The following REV3L variants were observed in gnomAD, a reference collection of about 807,000 sequenced individuals.
REV3L encodes REV3 like, DNA directed polymerase zeta catalytic subunit.
Under a neutral mutation model 299.4 loss-of-function variants are expected in REV3L, and 69 were observed. The ratio of observed to expected loss-of-function variants is 0.23; its 90% CI spans 0.19 to 0.28. The LOEUF is 0.28. Ranked by LOEUF, REV3L falls within the 10% of genes least tolerant of loss-of-function variation. The pLI is 1.00. For missense variants in REV3L, 3,128 were observed against 3,693.8 expected (o/e 0.85, Z 3.97); for synonymous variants, 1,238 against 1,271.4 (o/e 0.97, Z 0.56).
intron 1 of REV3L, among the ~76,000 whole-genome samples, chr6:111,421,188 A>G (rs1200207831): frequency 6.6e-6 from 1 of 152,134 alleles, no homozygotes; most frequent in East Asian, 1.9e-4. Context: ...TCTTATTGTC[A>G]TTTTTCAACA....
At chr6:111,342,504 T>C (rs1450609700) in intron 21 of REV3L, among the ~76,000 whole-genome samples, 1 of 151,928 alleles carries the variant, frequency 6.6e-6, no homozygotes, top group African/African-American at 2.4e-5. Flanking sequence ...CCGTCTCTAC[T>C]AAAAATACAA....
At chr6:111,379,335 A>G (rs1378051412) in intron 11 of REV3L, among the ~76,000 whole-genome samples, 4 of 152,236 alleles carry the variant, frequency 2.6e-5, no homozygotes, top group Admixed American at 6.5e-5. Context: ...ACAGACTAAA[A>G]AAGTTCTAAT....
chr6:111,404,144 T>C (rs776117979), intron 4 of REV3L, among the ~76,000 whole-genome samples: 28 of 152,204 alleles, frequency 1.8e-4, no homozygotes, highest in Non-Finnish European at 3.1e-4. Flanking sequence ...TGCTGGTAAC[T>C]TGAAGTTGAA....
At chr6:111,436,026 C>T (rs1243106450) in intron 1 of REV3L, among the ~76,000 whole-genome samples, 1 of 152,102 alleles carries the variant, frequency 6.6e-6, no homozygotes, top group East Asian at 1.9e-4. Flanking sequence ...CAAAAGAAGA[C>T]ATAAAAATGG....
At chr6:111,453,366 T>C (rs991087620) in intron 1 of REV3L, among the ~76,000 whole-genome samples, 2 of 152,214 alleles carry the variant, frequency 1.3e-5, no homozygotes, top group African/African-American at 2.4e-5. Context: ...TAGTATTCAA[T>C]AGCACATATA....
At chr6:111,428,700 A>C (rs945860384) in intron 1 of REV3L, among the ~76,000 whole-genome samples, 1 of 152,138 alleles carries the variant, frequency 6.6e-6, no homozygotes, top group Admixed American at 6.5e-5. Context: ...ACCAATGGAA[A>C]GGAATGAAGG....
rs749953837 is a variant in REV3L, at chr6:111,372,898, A to G, written c.5457T>C (p.Thr1819=). The G allele has an allele frequency of 6.2e-7, 1 of 1,614,028 alleles. No homozygotes were observed. Among genetic ancestry groups the G allele is most frequent in the Non-Finnish European group, 8.5e-7 (1 of 1,180,012 alleles). The change falls in exon 13 of 32, where the codon ACT becomes ACC. Residue 1819 remains threonine, a synonymous_variant. Coordinates refer to ENST00000368802, the MANE Select transcript of REV3L (RefSeq NM_001372078.1). ...CACCATCAGGGGAGGAGAGTATTGC[A>G]GTAAAAGAGGTATTGGCTGAGTCAA... is the stretch of plus-strand genomic sequence containing the variant. ...QSLDSANTSF[T]AILSSPDGEL...
At chr6:111,461,602 A>G (rs1363117217) in intron 1 of REV3L, among the ~76,000 whole-genome samples, 1 of 152,042 alleles carries the variant, frequency 6.6e-6, no homozygotes. Flanking sequence ...TTGCATATAT[A>G]TAAAAGTAAA....
intron 21 of REV3L, among the ~76,000 whole-genome samples, chr6:111,335,981 A>T (rs903751505): frequency 3.3e-5 from 5 of 151,816 alleles, no homozygotes; most frequent in Admixed American, 2.0e-4. Context: ...ATTATTTATC[A>T]TATCTATAGA....
Position 111,373,616 on chromosome 6 carries a change from G to A in REV3L, c.4739C>T (p.Pro1580Leu). ...ACTTCTGGGAGTTCGAGGTTTTCTTGGGGACGTTACCGATCGTGTCCGTTT... is the reference window on the plus strand; with the variant it reads ...ACTTCTGGGAGTTCGAGGTTTTCTTAGGGACGTTACCGATCGTGTCCGTTT... Reference protein sequence around the residue: ...ANKRTRSVTSPRKPRTPRSTK... With the variant: ...ANKRTRSVTSLRKPRTPRSTK... The change falls in exon 13 of 32, where the codon CCA (proline) becomes CTA (leucine). Residue 1580 changes from proline (P) to leucine (L), a missense_variant. Around this residue, in one of 9 missense-constraint regions of REV3L, gnomAD observed 2,409 missense variants for 2,611.8 expected, o/e 0.92. Coordinates refer to ENST00000368802, the MANE Select transcript of REV3L (RefSeq NM_001372078.1). 1.2e-6 allele frequency: 2 copies of A among 1,614,084 alleles called. No homozygotes were observed. Among genetic ancestry groups the A allele is most frequent in the Non-Finnish European group, 1.7e-6 (2 of 1,180,004 alleles).
intron 21 of REV3L, among the ~76,000 whole-genome samples, chr6:111,341,355 C>A (rs1034655906): frequency 6.6e-6 from 1 of 152,146 alleles, no homozygotes; most frequent in Non-Finnish European, 1.5e-5. Context: ...GCCAACTTCG[C>A]CTCAGCTTCT....
At chr6:111,481,951 G>T (rs1260733200) in intron 1 of REV3L, among the ~76,000 whole-genome samples, 1 of 152,120 alleles carries the variant, frequency 6.6e-6, no homozygotes, top group Non-Finnish European at 1.5e-5. Flanking sequence ...CCCAGCCTAG[G>T]AGCATTTCAA....
chr6:111,385,804 CAA>C (rs1030153273), intron 9 of REV3L, among the ~76,000 whole-genome samples: 8 of 151,848 alleles, frequency 5.3e-5, no homozygotes, highest in African/African-American at 1.9e-4. Context: ...AAAATAAGCA[CAA>C]AATGTAATTC....
Position 111,307,427 on chromosome 6 carries a change from C to G in REV3L, c.9186G>C (p.Gln3062His), listed in dbSNP as rs1282470952. The part of the protein sequence containing the change: ...GICSKCRSQP[Q>H]HVAVILNQEI... The stretch of plus-strand genomic sequence containing the variant: ...CTTGGTTGAGGATGACTGCAACATG[C>G]TGAGGTTGGCTCCGACATTTACTAC... The change falls in exon 31 of 32, where the codon CAG becomes CAC. Residue 3062 changes from glutamine to histidine, a missense_variant. Transcript: ENST00000368802. 1.2e-5 allele frequency: 20 copies of G among 1,614,198 alleles called. No individual in the cohort carries two copies. The highest frequency in any genetic ancestry group is 1.6e-5 in the Non-Finnish European group (19 of 1,180,036).
chr6:111,418,541 T>C lies in REV3L; in HGVS notation c.140-2069A>G, dbSNP rs941598261. ...AAGAAATGATTTACTCAGCAGGTAA[T>C]AGGGTAAGTGCTTTACCTATGTATT... On this transcript the variant is annotated intron_variant, in intron 1 of 31. Transcript: ENST00000368802. Among the ~76,000 whole-genome samples the C allele has an allele frequency of 2.0e-5, 3 of 152,180 alleles. No homozygotes were observed. In the South Asian group the frequency reaches 6.2e-4, roughly 31 times the overall value.
chr6:111,416,598 T>G, intron 1 of REV3L, 126 bp from the exon 2 acceptor site: 1 of 724,556 alleles, frequency 1.4e-6, no homozygotes, highest in Non-Finnish European at 2.2e-6. Flanking sequence ...TGAAAAAAAT[T>G]AACCCATAGT....
chr6:111,383,518 A>C (rs766060513), intron 9 of REV3L, among the ~76,000 whole-genome samples: 3 of 152,206 alleles, frequency 2.0e-5, no homozygotes, highest in African/African-American at 4.8e-5. Flanking sequence ...TACAATAGCT[A>C]CAAATAAGAT....
At position 111,482,810 on chromosome 6, in the gene REV3L, G is replaced by A; in HGVS notation, c.79C>T (p.Leu27Phe). 6.6e-7 allele frequency: 1 copy of A among 1,508,152 alleles called. No individual in the cohort carries two copies. Among genetic ancestry groups the A allele is most frequent in the South Asian group, 1.3e-5 (1 of 76,598 alleles). The allele number at this position is 1,508,152 out of a possible 1,614,324, so 93.4% of individuals were successfully genotyped here. ...LQGLDTCQSP[L>F]TQAPVKKVPV... ...ACCTTCTTGACAGGGGCCTGGGTGA[G>A]GGGGGATTGGCAGGTATCCAGCCCC... Residue 27 changes from leucine to phenylalanine, a missense_variant, in exon 1 of 32, where the codon CTC becomes TTC. This residue lies in a region of REV3L where 48 missense variants were observed against 42.8 expected (regional missense o/e 1.12). Coordinates refer to ENST00000368802, the MANE Select transcript of REV3L (RefSeq NM_001372078.1).
intron 16 of REV3L, 108 bp from the exon 17 acceptor site, chr6:111,359,122 G>A: frequency 1.2e-6 from 1 of 838,786 alleles, no homozygotes; most frequent in Admixed American, 3.0e-5. Context: ...AGAAAAAATG[G>A]ACATAAAGGA....
Sources: allele counts gnomAD v4.1 joint callset (sites outside exome capture counted in the v4.1 genomes callset), GRCh38; gene constraint gnomAD v4.1.1; regional missense constraint gnomAD v4.1.1; transcripts MANE v1.5; gene names NCBI Gene and HGNC (gene_info 2026-07-23, HGNC 2026-07-21).